The following MYPN variants were observed in gnomAD, a reference collection of about 807,000 sequenced individuals.
The protein encoded by MYPN is sarcomeric protein myopalladin, 145 kDa (MYOP).
MYPN carries 63 observed loss-of-function variants against 129.4 expected under a neutral mutation model. The observed-to-expected ratio is 0.49, with a 90% CI of 0.40 to 0.60. The LOEUF (loss-of-function observed/expected upper bound fraction) is 0.60. MYPN is among the 20% of genes least tolerant of loss of function. MYPN has a pLI of 0.00. For synonymous variants in MYPN, 629 were observed against 600.9 expected, an observed-to-expected ratio of 1.05 and a Z score of -0.68; for missense variants, 1,596 against 1,635.4, an observed-to-expected ratio of 0.98 and a Z score of 0.42.
chr10:68,206,845 G>C lies in MYPN; in HGVS notation c.3735G>C (p.Thr1245=), dbSNP rs184347775. ...AGAAATCAGACGCTGGATGGTACACGTTGTCAGCCAAGAATGAAGCCGGCA... is the reference window on the plus strand; with the variant it reads ...AGAAATCAGACGCTGGATGGTACACCTTGTCAGCCAAGAATGAAGCCGGCA... ...PAKKSDAGWY[T]LSAKNEAGIV... The change falls in exon 19 of 20, where the codon ACG becomes ACC. Residue 1245 remains threonine, a synonymous_variant. Transcript: ENST00000358913. The C allele has an allele frequency of 1.2e-6, 2 of 1,614,206 alleles. No homozygotes were observed. Among genetic ancestry groups the C allele is most frequent in the Non-Finnish European group, 1.7e-6 (2 of 1,180,034 alleles).
chr10:68,102,794 T>C (rs536656939), upstream of MYPN, among the ~76,000 whole-genome samples: 6 of 152,320 alleles, frequency 3.9e-5, no homozygotes, highest in East Asian at 1.9e-4. Flanking sequence ...GTCAGGCCAG[T>C]GGACTTATAA....
chr10:68,197,139 C>T (rs1157048640), intron 15 of MYPN, among the ~76,000 whole-genome samples: 3 of 151,992 alleles, frequency 2.0e-5, no homozygotes, highest in Admixed American at 1.3e-4. Context: ...TTGCAGATCT[C>T]GCAAGACAAT....
chr10:68,182,342 TATATAACATATATATAACAC>T (rs2043335651), intron 12 of MYPN, among the ~76,000 whole-genome samples: 1 of 107,752 alleles, frequency 9.3e-6, no homozygotes, highest in African/African-American at 3.2e-5. Context: ...AACACACACA[TATATAACATATATATAACAC>T]ATATATATAA....
At chr10:68,131,682 T>C (rs1201867711) in intron 2 of MYPN, among the ~76,000 whole-genome samples, 1 of 152,188 alleles carries the variant, frequency 6.6e-6, no homozygotes, top group Non-Finnish European at 1.5e-5. Flanking sequence ...CCAGCCTTCA[T>C]AGGCGGTATT....
At chr10:68,161,922 C>A in intron 8 of MYPN, 170 bp downstream of exon 8, 2 of 511,374 alleles carry the variant, frequency 3.9e-6, no homozygotes, top group Non-Finnish European at 6.9e-6. Flanking sequence ...CAGCACTTTG[C>A]GAGGCCGAGG....
At position 68,196,483 on chromosome 10, in the gene MYPN, C is replaced by CTTTTTTTTTTTTTT. The variant is rs71009021; in HGVS notation, c.3159-865_3159-852dup. 1.1e-3 allele frequency among the ~76,000 whole-genome samples: 125 copies of CTTTTTTTTTTTTTT among 112,492 alleles called. 3 individuals are homozygous for CTTTTTTTTTTTTTT. Among genetic ancestry groups the CTTTTTTTTTTTTTT allele is most frequent in the Non-Finnish European group, 2.0e-3 (110 of 55,192 alleles). The allele number at this position is 112,492 out of a possible 152,430, so 73.8% of individuals were successfully genotyped here. Reference sequence around the variant, plus strand: ...ACCGTTGCAACTATACCTTCTTCTTCTTTTTTTTTTTTTTTTTGAGATGGG... The same window carrying CTTTTTTTTTTTTTT: ...ACCGTTGCAACTATACCTTCTTCTTCTTTTTTTTTTTTTTTTTTTTTTTTTTTTTTTGAGATGGG... On this transcript the variant is annotated intron_variant, in intron 15 of 19. Transcript: ENST00000358913.
At chr10:68,152,932 G>A (rs980540264) in intron 6 of MYPN, among the ~76,000 whole-genome samples, 1 of 151,278 alleles carries the variant, frequency 6.6e-6, no homozygotes, top group African/African-American at 2.4e-5. Context: ...ACCACACCCG[G>A]CTAACATTTA....
At chr10:68,161,707 C>G (rs1341344800) in intron 7 of MYPN, 22 bp from the exon 8 acceptor site, 1 of 1,604,636 alleles carries the variant, frequency 6.2e-7, no homozygotes, top group African/African-American at 1.3e-5. Flanking sequence ...TGCTCAGAAT[C>G]TTTTACTTTC....
At chr10:68,140,197 C>T (rs757023041) in intron 2 of MYPN, among the ~76,000 whole-genome samples, 4 of 152,058 alleles carry the variant, frequency 2.6e-5, no homozygotes, top group South Asian at 2.1e-4. Flanking sequence ...AAAAGACCAA[C>T]GTGGTTGGAA....
intron 2 of MYPN, among the ~76,000 whole-genome samples, chr10:68,126,851 G>A (rs1437444093): frequency 1.3e-5 from 2 of 152,176 alleles, no homozygotes; most frequent in Admixed American, 6.6e-5. Flanking sequence ...AGATGAGAGA[G>A]TAGTGGAACT....
At chr10:68,139,792 A>C (rs147337536) in intron 2 of MYPN, among the ~76,000 whole-genome samples, 1 of 152,222 alleles carries the variant, frequency 6.6e-6, no homozygotes, top group African/African-American at 2.4e-5. Flanking sequence ...TCTTTCAACA[A>C]ACCCATCAAA....
At position 68,126,631 on chromosome 10, in the gene MYPN, T is replaced by G. The variant is rs575252976; in HGVS notation, c.902+4291T>G. 3.3e-5 allele frequency among the ~76,000 whole-genome samples: 5 copies of G among 152,292 alleles called. No individual in the cohort carries two copies. In the East Asian group the frequency reaches 9.7e-4, roughly 29 times the overall value. ...TAGAAGAAAAGAAATCAAGCTGAAC[T>G]TGGTGACACACCACAGAAGAAGGAT... On this transcript the variant is annotated intron_variant, in intron 2 of 19. Coordinates refer to ENST00000358913, the MANE Select transcript of MYPN (RefSeq NM_032578.4).
intron 10 of MYPN, 134 bp from the exon 11 acceptor site, chr10:68,173,932 G>T: frequency 1.3e-6 from 1 of 773,090 alleles, no homozygotes; most frequent in Non-Finnish European, 2.3e-6. Flanking sequence ...CTCCCAAAGT[G>T]CTGGGATTAC....
chr10:68,170,353 T>C (rs2043126015), intron 10 of MYPN, among the ~76,000 whole-genome samples: 1 of 152,224 alleles, frequency 6.6e-6, no homozygotes, highest in South Asian at 2.1e-4. Flanking sequence ...TTCTTTAATA[T>C]TCTTTGCCTT....
chr10:68,131,278 A>G (rs1472051632), intron 2 of MYPN, among the ~76,000 whole-genome samples: 1 of 151,880 alleles, frequency 6.6e-6, no homozygotes, highest in African/African-American at 2.4e-5. Context: ...AGTCTCAGTT[A>G]CTTGGGAGGC....
At chr10:68,152,875 TC>T (rs1265810916) in intron 6 of MYPN, among the ~76,000 whole-genome samples, 1 of 152,084 alleles carries the variant, frequency 6.6e-6, no homozygotes, top group African/African-American at 2.4e-5. Context: ...TGACCTCAGA[TC>T]CGCTCACCTC....
At chr10:68,097,936 C>T (rs918295566) in intron 1 of MYPN, among the ~76,000 whole-genome samples, 5 of 152,154 alleles carry the variant, frequency 3.3e-5, no homozygotes, top group African/African-American at 1.2e-4. Context: ...TTATTCTGAA[C>T]TTAAGGTCCT....
intron 2 of MYPN, chr10:68,136,688 T>G: frequency 6.5e-7 from 1 of 1,535,458 alleles, no homozygotes; most frequent in Non-Finnish European, 8.7e-7. Flanking sequence ...ACTTATCTCC[T>G]TCTGGCTATC....
intron 15 of MYPN, 73 bp downstream of exon 15, chr10:68,195,605 C>T: frequency 8.3e-7 from 1 of 1,200,568 alleles, no homozygotes; most frequent in Non-Finnish European, 1.2e-6. Context: ...CACCAAAGTA[C>T]TGGATCCACA....
Sources: allele counts gnomAD v4.1 joint callset (sites outside exome capture counted in the v4.1 genomes callset), GRCh38; gene constraint gnomAD v4.1.1; transcripts MANE v1.5; gene names NCBI Gene and HGNC (gene_info 2026-07-23, HGNC 2026-07-21).